The following CDC42BPA variants were observed in gnomAD, a reference collection of about 807,000 sequenced individuals.
CDC42BPA encodes serine/threonine-protein kinase MRCK alpha.
A neutral mutation model predicts 223.5 loss-of-function variants in CDC42BPA; 80 were observed. The observed-to-expected ratio is 0.36, with a 90% confidence interval of 0.30 to 0.43. The LOEUF is 0.43. Ranked by LOEUF, CDC42BPA falls within the 20% of genes least tolerant of loss-of-function variation. CDC42BPA has a pLI of 1.00. For missense variants in CDC42BPA, 1,743 were observed against 2,099.9 expected, an observed-to-expected ratio of 0.83 and a Z score of 3.32; for synonymous variants, 694 against 718.6, an observed-to-expected ratio of 0.97 and a Z score of 0.55.
intron 17 of CDC42BPA, among the ~76,000 whole-genome samples, chr1:227,075,006 G>T (rs558148605): frequency 1.3e-5 from 2 of 152,194 alleles, no homozygotes; most frequent in East Asian, 3.9e-4. Flanking sequence ...CCACATTTTA[G>T]AATTTCTCAA....
Position 226,992,259 on chromosome 1 carries a change from G to C in CDC42BPA, c.*2009C>G, listed in dbSNP as rs1660851810. 1 of 152,214 alleles carries C rather than the reference G, an allele frequency of 6.6e-6. No individual in the cohort carries two copies. The highest frequency in any genetic ancestry group is 1.5e-5 in the Non-Finnish European group (1 of 68,042). 9.4% of individuals were successfully genotyped at this position (152,214 alleles called of 1,614,324 possible). ...GTATTTTTATACTTCATTCTAAAAAGCAGAAAGATTTGGGAGATTAGAACT... is the reference window on the plus strand; with the variant it reads ...GTATTTTTATACTTCATTCTAAAAACCAGAAAGATTTGGGAGATTAGAACT... On this transcript the variant is annotated 3_prime_UTR_variant, in exon 37 of 37. Transcript: ENST00000366766.
At chr1:227,069,678 T>TG in intron 21 of CDC42BPA, 99 bp downstream of exon 21, 2 of 753,790 alleles carry the variant, frequency 2.7e-6, no homozygotes, top group Non-Finnish European at 2.3e-6. Flanking sequence ...GGTCCTCTGA[T>TG]GTGGGAAGCA....
At chr1:227,313,841 A>AG (rs141716869) in intron 1 of CDC42BPA, among the ~76,000 whole-genome samples, 9,095 of 147,312 alleles carry the variant, frequency 0.062, 275 homozygotes, top group Non-Finnish European at 0.074. Context: ...CTAGGTACAA[A>AG]TTTATTAAAC....
intron 16 of CDC42BPA, among the ~76,000 whole-genome samples, chr1:227,081,862 A>G (rs1680734515): frequency 6.6e-6 from 1 of 152,184 alleles, no homozygotes; most frequent in Admixed American, 6.5e-5. Context: ...AAGAATAAGG[A>G]TCTCTCTTTT....
At chr1:227,088,836 C>T (rs1572730538) in intron 16 of CDC42BPA, among the ~76,000 whole-genome samples, 2 of 152,270 alleles carry the variant, frequency 1.3e-5, no homozygotes, top group South Asian at 2.1e-4. Flanking sequence ...AGTGATTCTC[C>T]TGCCTCAGCC....
chr1:227,044,855 T>G (rs1290967973), intron 23 of CDC42BPA, among the ~76,000 whole-genome samples: 2 of 152,182 alleles, frequency 1.3e-5, no homozygotes, highest in Admixed American at 1.3e-4. Context: ...CTCATGATTT[T>G]TCTAAAATTA....
intron 21 of CDC42BPA, among the ~76,000 whole-genome samples, chr1:227,066,078 G>C (rs891526471): frequency 1.2e-4 from 19 of 152,094 alleles, no homozygotes; most frequent in African/African-American, 3.4e-4. Flanking sequence ...GAACAACAGA[G>C]ACCTGATTTG....
Position 226,993,149 on chromosome 1 carries a change from C to A in CDC42BPA, c.*1119G>T, listed in dbSNP as rs1299087979. On this transcript the variant is annotated 3_prime_UTR_variant, in exon 37 of 37. Transcript: ENST00000366766. ...AGCATCTCCAGCCCTGGGACAGACA[C>A]CTCGCTGTGACTTAGGGAGGGACAG... 1 of 152,246 alleles carries A rather than the reference C, an allele frequency of 6.6e-6. No individual in the cohort carries two copies. The highest frequency in any genetic ancestry group is 2.4e-5 in the African/African-American group (1 of 41,420). The allele number at this position is 152,246 out of a possible 1,614,324, so 9.4% of individuals were successfully genotyped here.
intron 2 of CDC42BPA, chr1:227,234,568 T>C (rs1307401167): frequency 6.6e-6 from 1 of 152,276 alleles, no homozygotes; most frequent in Non-Finnish European, 1.5e-5. Context: ...GTATGTAGGC[T>C]TTCCTTCTCA....
intron 2 of CDC42BPA, among the ~76,000 whole-genome samples, chr1:227,224,929 G>A (rs964554520): frequency 2.0e-5 from 3 of 152,074 alleles, no homozygotes; most frequent in African/African-American, 4.8e-5. Context: ...CACCTACTAC[G>A]CACTAGACAC....
chr1:227,078,027 C>T (rs754486416), intron 17 of CDC42BPA, among the ~76,000 whole-genome samples: 16 of 152,106 alleles, frequency 1.1e-4, no homozygotes, highest in Non-Finnish European at 1.8e-4. Flanking sequence ...TTTGAAAAAC[C>T]TTCTCCATCT....
intron 1 of CDC42BPA, among the ~76,000 whole-genome samples, chr1:227,274,651 A>G (rs1299325672): frequency 6.6e-6 from 1 of 152,180 alleles, no homozygotes; most frequent in Non-Finnish European, 1.5e-5. Flanking sequence ...ACCACAGGAG[A>G]AAAATCCAGT....
intron 16 of CDC42BPA, among the ~76,000 whole-genome samples, chr1:227,087,964 T>C (rs993479570): frequency 3.3e-5 from 5 of 152,016 alleles, no homozygotes; most frequent in Non-Finnish European, 7.4e-5. Flanking sequence ...GGGGTTTCAG[T>C]TGGAGATTTG....
intron 5 of CDC42BPA, among the ~76,000 whole-genome samples, chr1:227,161,429 T>C (rs1572056582): frequency 6.6e-6 from 1 of 152,196 alleles, no homozygotes; most frequent in Non-Finnish European, 1.5e-5. Flanking sequence ...AAAGAATCTC[T>C]GGAGAACCTA....
intron 1 of CDC42BPA, among the ~76,000 whole-genome samples, chr1:227,292,229 T>A (rs1275238224): frequency 6.6e-6 from 1 of 152,118 alleles, no homozygotes; most frequent in African/African-American, 2.4e-5. Flanking sequence ...GATCCGCCTG[T>A]CTTGGCCTCC....
chr1:226,994,347 C>T lies in CDC42BPA; in HGVS notation c.5186G>A (p.Ser1729Asn). 6.3e-7 allele frequency: 1 copy of T among 1,596,490 alleles called. No individual in the cohort carries two copies. Among genetic ancestry groups the T allele is most frequent in the Non-Finnish European group, 8.5e-7 (1 of 1,170,118 alleles). ...STASNSSNLS[S>N]PPSPASPRKT... ...TCGGGGTGAAGCTGGGCTTGGGGGG[C>T]TGCTTAGGTTGGAACTGTTGGAAGC... is the stretch of plus-strand genomic sequence containing the variant. Residue 1729 changes from serine (S) to asparagine (N), a missense_variant, in exon 37 of 37, where the codon AGC becomes AAC. Transcript: ENST00000366766. This position sits in a 1 kb window ranked among gnomAD's most constrained non-coding sequence, Gnocchi z 4.0.
At chr1:227,007,407 A>G (rs1247519859) in intron 34 of CDC42BPA, among the ~76,000 whole-genome samples, 5 of 152,216 alleles carry the variant, frequency 3.3e-5, no homozygotes, top group Non-Finnish European at 1.5e-5. Flanking sequence ...TTCTGATTAT[A>G]AAGGTAATAC....
rs952457051 is a variant in CDC42BPA at position 227,080,119 on chromosome 1, C to A, written c.2480+774G>T. ...TAAAGTTTCACGTTTTGAAGCATTT[C>A]AGATTTCAGATTTTCAGATTAGGAA... On this transcript the variant is annotated intron_variant, in intron 17 of 36. Transcript: ENST00000366766. Among the ~76,000 whole-genome samples, 42 of 152,052 alleles carry A rather than the reference C, an allele frequency of 2.8e-4. 1 individual carries two copies. The highest frequency in any genetic ancestry group is 5.6e-4 in the Non-Finnish European group (38 of 67,962).
chr1:227,105,356 CTTTTTTTTTTTTT>C (rs35065841), intron 14 of CDC42BPA, among the ~76,000 whole-genome samples: 1 of 91,656 alleles, frequency 1.1e-5, no homozygotes, highest in Middle Eastern at 5.5e-3. Context: ...TGCCTATTCT[CTTTTTTTTTTTTT>C]TTTTTTTTTT....
Sources: allele counts gnomAD v4.1 joint callset (sites outside exome capture counted in the v4.1 genomes callset), GRCh38; gene constraint gnomAD v4.1.1; non-coding constraint Gnocchi (gnomAD v3.1); transcripts MANE v1.5; gene names NCBI Gene and HGNC (gene_info 2026-07-23, HGNC 2026-07-21).